SLC2A14: variants seen among roughly 807,000 people sequenced by gnomAD.
The protein encoded by SLC2A14 is solute carrier family 2 member 14.
SLC2A14 carries 13 observed loss-of-function variants against 43.0 expected under a neutral mutation model. The observed-to-expected ratio is 0.30, with a 90% CI of 0.20 to 0.48. The LOEUF is 0.48. Ranked by LOEUF, SLC2A14 falls within the 20% of genes least tolerant of loss-of-function variation. The pLI is 0.99. For synonymous variants in SLC2A14, 190 were observed against 233.8 expected, an observed-to-expected ratio of 0.81 and a Z score of 1.71; for missense variants, 428 against 620.4, an observed-to-expected ratio of 0.69 and a Z score of 3.29.
chr12:7,822,104 G>A (rs1863968295), intron 7 of SLC2A14, among the ~76,000 whole-genome samples: 1 of 151,572 alleles, frequency 6.6e-6, no homozygotes, highest in African/African-American at 2.4e-5. Context: ...GATTACAGGC[G>A]TGAGCCACCA....
chr12:7,890,033 T>C (rs1945749491), intron 1 of SLC2A14, among the ~76,000 whole-genome samples: 1 of 152,150 alleles, frequency 6.6e-6, no homozygotes, highest in Non-Finnish European at 1.5e-5. Flanking sequence ...AGGTTTTGGC[T>C]GGCTCCTTTA....
At chr12:7,865,689 G>A (rs1944870095) in intron 2 of SLC2A14, among the ~76,000 whole-genome samples, 1 of 151,886 alleles carries the variant, frequency 6.6e-6, no homozygotes, top group South Asian at 2.1e-4. Context: ...CAATAATATT[G>A]AAAATTAGGC....
At chr12:7,889,171 A>G (rs1007007855) in intron 1 of SLC2A14, among the ~76,000 whole-genome samples, 3 of 152,024 alleles carry the variant, frequency 2.0e-5, no homozygotes, top group Admixed American at 2.0e-4. Context: ...TTATTAAGAA[A>G]GTAAAGGAAT....
At chr12:7,860,441 C>T (rs1592275757) in intron 2 of SLC2A14, 1 of 152,080 alleles carries the variant, frequency 6.6e-6, no homozygotes, top group East Asian at 1.9e-4. Context: ...CTGCCCTAGG[C>T]TTTACAAAAC....
At chr12:7,866,297 G>C (rs1215150824) in intron 2 of SLC2A14, among the ~76,000 whole-genome samples, 4 of 151,150 alleles carry the variant, frequency 2.6e-5, no homozygotes, top group South Asian at 4.2e-4. Context: ...TAGTGGTCTA[G>C]ATAGACCACT....
chr12:7,852,580 A>G (rs1164978986), intron 2 of SLC2A14, among the ~76,000 whole-genome samples: 2 of 152,152 alleles, frequency 1.3e-5, no homozygotes, highest in African/African-American at 4.8e-5. Flanking sequence ...GGGCCAGACA[A>G]TTCTTTGTTA....
At chr12:7,874,934 T>A (rs747633949), upstream of SLC2A14, among the ~76,000 whole-genome samples, 693 of 18,286 alleles carry the variant, frequency 0.038, 26 homozygotes, top group Middle Eastern at 0.19. Context: ...TATTTATATA[T>A]AATTTATATA....
At chr12:7,817,681 C>A (rs186102140) in intron 10 of SLC2A14, 150 bp downstream of exon 10, 12 of 942,154 alleles carry the variant, frequency 1.3e-5, no homozygotes, top group Non-Finnish European at 1.8e-5. Context: ...GCAGAAGAAT[C>A]GCTTGTCAGT....
upstream of SLC2A14, among the ~76,000 whole-genome samples, chr12:7,875,017 T>G (rs1439406530): frequency 1.2e-4 from 13 of 111,016 alleles, no homozygotes; most frequent in Non-Finnish European, 2.0e-4. Context: ...TATATAAAAA[T>G]TATATATAAA....
intron 2 of SLC2A14, among the ~76,000 whole-genome samples, chr12:7,867,740 G>A (rs1325394085): frequency 6.6e-6 from 1 of 151,768 alleles, no homozygotes; most frequent in Non-Finnish European, 1.5e-5. Flanking sequence ...AGCTACTCGG[G>A]AGGCTGAGGC....
chr12:7,883,406 A>C (rs1296178457), intron 1 of SLC2A14, among the ~76,000 whole-genome samples: 1 of 149,524 alleles, frequency 6.7e-6, no homozygotes, highest in African/African-American at 2.5e-5. Context: ...AGCTGGGATT[A>C]CAGGCGCCCG....
intron 2 of SLC2A14, among the ~76,000 whole-genome samples, chr12:7,864,778 T>C (rs909963534): frequency 6.6e-6 from 1 of 152,178 alleles, no homozygotes; most frequent in Non-Finnish European, 1.5e-5. Flanking sequence ...ACAAAGCCTC[T>C]ATCTGCACAA....
At chr12:7,883,992 C>T (rs923597945) in intron 1 of SLC2A14, among the ~76,000 whole-genome samples, 4 of 150,880 alleles carry the variant, frequency 2.7e-5, no homozygotes, top group Admixed American at 6.6e-5. Context: ...GGCACAATCT[C>T]GGCTCACTGC....
intron 1 of SLC2A14, among the ~76,000 whole-genome samples, chr12:7,880,534 A>G (rs1945549124): frequency 6.6e-6 from 1 of 151,814 alleles, no homozygotes; most frequent in Non-Finnish European, 1.5e-5. Context: ...AATTCCATCA[A>G]GATTACTACT....
At chr12:7,837,466 A>C (rs1041369660) in intron 2 of SLC2A14, among the ~76,000 whole-genome samples, 1 of 151,872 alleles carries the variant, frequency 6.6e-6, no homozygotes, top group African/African-American at 2.4e-5. Context: ...ATGGAGAAAC[A>C]ACATCTCTAC....
At chr12:7,835,685 G>T (rs78356348) in intron 2 of SLC2A14, among the ~76,000 whole-genome samples, 1 of 152,156 alleles carries the variant, frequency 6.6e-6, no homozygotes, top group Non-Finnish European at 1.5e-5. Context: ...GCCTTTAAAC[G>T]CATTGAGGTA....
At chr12:7,815,403 G>A (rs944741031) in intron 10 of SLC2A14, among the ~76,000 whole-genome samples, 1 of 152,092 alleles carries the variant, frequency 6.6e-6, no homozygotes, top group African/African-American at 2.4e-5. Flanking sequence ...GCAACAAAGT[G>A]AGACTCCGTC....
At chr12:7,883,278 T>C (rs1304388879) in intron 1 of SLC2A14, among the ~76,000 whole-genome samples, 2 of 148,638 alleles carry the variant, frequency 1.3e-5, no homozygotes, top group Non-Finnish European at 3.0e-5. Context: ...TTTTTTTTTT[T>C]TTTTTTTGAG....
intron 1 of SLC2A14, among the ~76,000 whole-genome samples, chr12:7,889,558 G>T (rs1404438513): frequency 8.8e-5 from 12 of 135,788 alleles, no homozygotes; most frequent in Admixed American, 8.6e-4. Context: ...TTTTTGAGAT[G>T]GAGTTTTGCT....
Sources: gnomAD v4.1 joint callset for allele counts (sites outside exome capture counted in the v4.1 genomes callset) on GRCh38, gnomAD v4.1.1 for gene constraint, MANE v1.5 for transcripts, NCBI Gene and HGNC (gene_info 2026-07-23, HGNC 2026-07-21) for gene names.